ZFAND3: variants seen among roughly 807,000 people sequenced by gnomAD.
ZFAND3 encodes the protein AN1-type zinc finger protein 3.
Under a neutral mutation model 29.6 loss-of-function variants are expected in ZFAND3, and 10 were observed. That is an observed-to-expected ratio of 0.34 (90% CI 0.21 to 0.57). The LOEUF is 0.57. Ranked by LOEUF, ZFAND3 falls within the 20% of genes least tolerant of loss-of-function variation. The pLI is 0.86. For synonymous variants in ZFAND3, 128 were observed against 112.6 expected (o/e 1.14, Z -0.87); for missense variants, 230 against 304.5 (o/e 0.76, Z 1.82).
intron 2 of ZFAND3, among the ~76,000 whole-genome samples, chr6:37,967,334 A>G (rs927888568): frequency 8.5e-5 from 13 of 152,168 alleles, no homozygotes; most frequent in Admixed American, 3.3e-4. Flanking sequence ...CAGGCATTCT[A>G]TGTCTATTTT....
chr6:38,144,222 T>TA (rs1554184000), intron 5 of ZFAND3, among the ~76,000 whole-genome samples: 1 of 72,360 alleles, frequency 1.4e-5, no homozygotes, highest in African/African-American at 5.9e-5. Context: ...ATATATAATA[T>TA]ATATATATAT....
chr6:38,053,234 G>A (rs1159942463), intron 2 of ZFAND3, among the ~76,000 whole-genome samples: 1 of 151,862 alleles, frequency 6.6e-6, no homozygotes, highest in African/African-American at 2.4e-5. Context: ...GGATCTGGTT[G>A]TGAAGGCAAT....
chr6:38,150,154 T>G (rs548944940), intron 5 of ZFAND3, among the ~76,000 whole-genome samples: 254 of 152,326 alleles, frequency 1.7e-3, no homozygotes, highest in Non-Finnish European at 3.2e-3. Context: ...GAAAGACAAC[T>G]GGTATCCAAT....
intron 2 of ZFAND3, among the ~76,000 whole-genome samples, chr6:38,034,323 G>A (rs1763618039): frequency 6.6e-6 from 1 of 152,150 alleles, no homozygotes; most frequent in East Asian, 1.9e-4. Context: ...GAATAAGAAA[G>A]GATAAAGTCC....
chr6:37,871,813 A>G (rs1049371036), intron 1 of ZFAND3, among the ~76,000 whole-genome samples: 8 of 152,222 alleles, frequency 5.3e-5, no homozygotes, highest in African/African-American at 1.7e-4. Context: ...ACAATTTATT[A>G]TAGAAATACT....
chr6:37,851,020 T>G (rs1002341880), intron 1 of ZFAND3, among the ~76,000 whole-genome samples: 1 of 151,634 alleles, frequency 6.6e-6, no homozygotes, highest in Non-Finnish European at 1.5e-5. Context: ...AGTGAGCCTC[T>G]GCTTCCTGCT....
At chr6:38,056,279 C>G (rs1177798140) in intron 2 of ZFAND3, among the ~76,000 whole-genome samples, 2 of 152,046 alleles carry the variant, frequency 1.3e-5, no homozygotes, top group Admixed American at 1.3e-4. Flanking sequence ...AAAGAAGAAA[C>G]AGTCATGATT....
At chr6:37,986,593 T>A (rs547637886) in intron 2 of ZFAND3, among the ~76,000 whole-genome samples, 1 of 152,348 alleles carries the variant, frequency 6.6e-6, no homozygotes, top group Non-Finnish European at 1.5e-5. Context: ...AAAACCCGAC[T>A]ACCTCCCAAC....
chr6:37,901,694 T>G (rs1348905797), intron 1 of ZFAND3, among the ~76,000 whole-genome samples: 1 of 152,222 alleles, frequency 6.6e-6, no homozygotes, highest in Non-Finnish European at 1.5e-5. Context: ...CCAGTATGTT[T>G]CAGTTAAGCC....
intron 5 of ZFAND3, among the ~76,000 whole-genome samples, chr6:38,127,496 T>C (rs983795020): frequency 6.6e-5 from 10 of 152,204 alleles, no homozygotes; most frequent in Non-Finnish European, 1.2e-4. Context: ...TTAGCCCTCT[T>C]ATTTTTAAAC....
chr6:38,091,587 G>A (rs540677220), intron 4 of ZFAND3, among the ~76,000 whole-genome samples: 4 of 145,514 alleles, frequency 2.7e-5, no homozygotes, highest in South Asian at 2.2e-4. Flanking sequence ...TGTTAGAAAC[G>A]CAGCCTTCCC....
chr6:37,975,705 TG>T (rs779629248), intron 2 of ZFAND3, among the ~76,000 whole-genome samples: 4 of 152,176 alleles, frequency 2.6e-5, no homozygotes, highest in Non-Finnish European at 5.9e-5. Flanking sequence ...TCCATATATG[TG>T]GGGGTTTTTT....
At chr6:37,840,172 A>G (rs1257782218) in intron 1 of ZFAND3, among the ~76,000 whole-genome samples, 1 of 151,578 alleles carries the variant, frequency 6.6e-6, no homozygotes, top group East Asian at 1.9e-4. Flanking sequence ...ATCTCGGCTC[A>G]GTGCAACCTC....
At chr6:38,128,257 A>T (rs1765675318) in intron 5 of ZFAND3, among the ~76,000 whole-genome samples, 1 of 152,242 alleles carries the variant, frequency 6.6e-6, no homozygotes, top group Non-Finnish European at 1.5e-5. Flanking sequence ...AATTTATGTT[A>T]AGCACATTGT....
intron 2 of ZFAND3, among the ~76,000 whole-genome samples, chr6:38,043,956 T>C (rs991359751): frequency 6.6e-6 from 1 of 152,116 alleles, no homozygotes; most frequent in African/African-American, 2.4e-5. Flanking sequence ...GTAGATTATT[T>C]CTAAAAGCCC....
At chr6:37,905,846 A>G (rs1344409665) in intron 1 of ZFAND3, among the ~76,000 whole-genome samples, 4 of 152,084 alleles carry the variant, frequency 2.6e-5, no homozygotes, top group African/African-American at 9.7e-5. Context: ...CTGAAATTCA[A>G]AAAAAGTTGC....
chr6:37,910,520 T>C (rs1765500643), intron 1 of ZFAND3, among the ~76,000 whole-genome samples: 1 of 152,216 alleles, frequency 6.6e-6, no homozygotes, highest in Admixed American at 6.5e-5. Flanking sequence ...GGTGTACAGC[T>C]TGGTGTTTTG....
chr6:37,999,387 C>G (rs190836839), intron 2 of ZFAND3, among the ~76,000 whole-genome samples: 8 of 152,302 alleles, frequency 5.3e-5, no homozygotes, highest in Non-Finnish European at 2.9e-5. Flanking sequence ...CAAGGGGAGC[C>G]TGACTCTCTG....
intron 4 of ZFAND3, among the ~76,000 whole-genome samples, chr6:38,099,303 A>G (rs761018830): frequency 3.9e-5 from 6 of 152,220 alleles, no homozygotes; most frequent in Middle Eastern, 3.2e-3. Context: ...GGGACTTAAT[A>G]TTGTGATTAG....
Sources: gnomAD v4.1 joint callset for allele counts (sites outside exome capture counted in the v4.1 genomes callset) on GRCh38, gnomAD v4.1.1 for gene constraint, MANE v1.5 for transcripts, NCBI Gene and HGNC (gene_info 2026-07-23, HGNC 2026-07-21) for gene names.